Variants in CDKN2B-AS1 observed in about 807,000 individuals in gnomAD.
CDKN2B-AS1 encodes the protein CDKN2B and CDKN2A antisense cis and trans regulatory RNA 1.
rs529493258 is a variant in CDKN2B-AS1 at position 22,039,367 on chromosome 9, G to C, written n.30-7384G>C. 6.6e-6 allele frequency among the ~76,000 whole-genome samples: 1 copy of C among 151,644 alleles called. No individual in the cohort carries two copies. The highest frequency in any genetic ancestry group is 6.6e-5 in the Admixed American group (1 of 15,194). On this transcript the variant is annotated intron_variant and non_coding_transcript_variant, in intron 1 of 4. Coordinates refer to ENST00000650946, the Ensembl canonical transcript of CDKN2B-AS1. This position sits in a 1 kb window ranked among gnomAD's most constrained non-coding sequence, Gnocchi z 4.4. ...TGAAACCAGTATAATTTTTCTTTTC[G>C]CTCTTGTCCTTCACCTTCCTGTGGC... is the stretch of plus-strand genomic sequence containing the variant.
In CDKN2B-AS1 at chr9:22,090,155, A is replaced by C. The variant is rs1825023628; in HGVS notation, n.438+33768A>C. ...ATCCATGTCCCCACAAAGGACATGAACTCATCCTTTTTTATGGCTGCATAG... is the reference window on the plus strand; with the variant it reads ...ATCCATGTCCCCACAAAGGACATGACCTCATCCTTTTTTATGGCTGCATAG... On this transcript the variant is annotated intron_variant and non_coding_transcript_variant, in intron 4 of 4. Transcript: ENST00000650946. Among the ~76,000 whole-genome samples, 5 of 151,864 alleles carry C rather than the reference A, an allele frequency of 3.3e-5. No homozygotes were observed. The South Asian group carries it at 1.0e-3, about 32-fold the overall frequency.
At chr9:22,018,848 A>G (rs771057488) in intron 1 of CDKN2B-AS1, among the ~76,000 whole-genome samples, 3 of 152,242 alleles carry the variant, frequency 2.0e-5, no homozygotes, top group Non-Finnish European at 4.4e-5. Context: ...TAAATATCAT[A>G]CACTATATTC....
intron 3 of CDKN2B-AS1, among the ~76,000 whole-genome samples, chr9:22,055,466 T>C (rs1317318503): frequency 6.6e-6 from 1 of 152,182 alleles, no homozygotes. Flanking sequence ...GTTTAAGTGG[T>C]TTTTAAAATA....
intron 1 of CDKN2B-AS1, among the ~76,000 whole-genome samples, chr9:22,010,683 A>G (rs1563918770): frequency 6.6e-6 from 1 of 152,220 alleles, no homozygotes; most frequent in African/African-American, 2.4e-5. Flanking sequence ...CTGGACAGGG[A>G]AGGGAACCGG....
intron 1 of CDKN2B-AS1, chr9:22,009,270 C>CG (rs1821370315): frequency 1.9e-6 from 1 of 514,292 alleles, no homozygotes; most frequent in Non-Finnish European, 3.5e-6. Flanking sequence ...GGACGCGTCG[C>CG]GGAGTCCTCA....
rs1820821089 is a variant in CDKN2B-AS1, at chr9:21,999,253, G to A, written n.29+4092G>A. Among the ~76,000 whole-genome samples, 1 of 151,472 alleles carries A rather than the reference G, an allele frequency of 6.6e-6. No homozygotes were observed. ...TGACTCAGCTATTCCACTATTTTAA[G>A]TATGTAAAGACACACACAAATAATG... On this transcript the variant is annotated intron_variant and non_coding_transcript_variant, in intron 1 of 4. Coordinates refer to ENST00000650946, the Ensembl canonical transcript of CDKN2B-AS1. The surrounding 1 kb of genome is among the most constrained non-coding windows in gnomAD (Gnocchi z 4.7).
At chr9:22,029,441 G>C (rs1367845137) in intron 1 of CDKN2B-AS1, 2 of 779,494 alleles carry the variant, frequency 2.6e-6, no homozygotes, top group East Asian at 2.4e-5. Context: ...AGGACTATTT[G>C]CCACGACATT....
At chr9:22,020,542 A>G (rs1350503934) in intron 1 of CDKN2B-AS1, among the ~76,000 whole-genome samples, 1 of 151,552 alleles carries the variant, frequency 6.6e-6, no homozygotes, top group Non-Finnish European at 1.5e-5. Flanking sequence ...AGCATCTGTT[A>G]TTTTTTTTGA....
intron 1 of CDKN2B-AS1, among the ~76,000 whole-genome samples, chr9:22,025,979 G>A (rs565898530): frequency 1.6e-4 from 24 of 152,116 alleles, no homozygotes; most frequent in African/African-American, 5.3e-4. Flanking sequence ...CTGGGACAAA[G>A]GTCCCATGGA....
At chr9:22,029,625 C>T (rs1822384995) in intron 1 of CDKN2B-AS1, 2 of 638,294 alleles carry the variant, frequency 3.1e-6, no homozygotes, top group Non-Finnish European at 5.8e-6. Context: ...CATCATCTTT[C>T]AGGTCTGTGT....
At chr9:22,067,471 C>T (rs60537401) in intron 4 of CDKN2B-AS1, among the ~76,000 whole-genome samples, 5,795 of 152,074 alleles carry the variant, frequency 0.038, 359 homozygotes, top group African/African-American at 0.13. Flanking sequence ...CCTAACTTAG[C>T]ACCAAAATGT....
chr9:22,085,142 T>C (rs922706670), intron 4 of CDKN2B-AS1, among the ~76,000 whole-genome samples: 1 of 152,206 alleles, frequency 6.6e-6, no homozygotes, highest in African/African-American at 2.4e-5. Context: ...AGAACTTCTA[T>C]CTATAAAGAA....
intron 1 of CDKN2B-AS1, chr9:22,030,042 T>C (rs1266845972): frequency 6.6e-6 from 1 of 152,246 alleles, no homozygotes; most frequent in African/African-American, 2.4e-5. Flanking sequence ...AAGTTCTTCT[T>C]GAAGAGAAGC....
chr9:22,115,724 A>T (rs74584379), intron 4 of CDKN2B-AS1, among the ~76,000 whole-genome samples: 1 of 152,128 alleles, frequency 6.6e-6, no homozygotes, highest in Non-Finnish European at 1.5e-5. Flanking sequence ...ATCAGCTTGG[A>T]TCACATGGAC....
At chr9:22,067,119 C>T (rs543357975) in intron 4 of CDKN2B-AS1, among the ~76,000 whole-genome samples, 3 of 151,966 alleles carry the variant, frequency 2.0e-5, no homozygotes, top group Admixed American at 6.5e-5. Context: ...ATGTAAATGA[C>T]GAGTTAATGG....
intron 1 of CDKN2B-AS1, chr9:22,009,465 C>G (rs929273496): frequency 3.7e-6 from 1 of 268,154 alleles, no homozygotes; most frequent in African/African-American, 2.2e-5. Flanking sequence ...GATGCTAGGA[C>G]GCATGCGCCA....
intron 4 of CDKN2B-AS1, among the ~76,000 whole-genome samples, chr9:22,110,561 A>T (rs994078086): frequency 6.6e-6 from 1 of 152,172 alleles, no homozygotes; most frequent in African/African-American, 2.4e-5. Flanking sequence ...TATATGCTAC[A>T]CACTGTCACT....
At chr9:22,114,016 T>C (rs1175674821) in intron 4 of CDKN2B-AS1, among the ~76,000 whole-genome samples, 2 of 152,310 alleles carry the variant, frequency 1.3e-5, no homozygotes, top group African/African-American at 2.4e-5. Context: ...CGTCGAGTCC[T>C]TTTAAAAGGA....
intron 4 of CDKN2B-AS1, among the ~76,000 whole-genome samples, chr9:22,068,528 T>G (rs1824156047): frequency 6.6e-6 from 1 of 152,174 alleles, no homozygotes; most frequent in African/African-American, 2.4e-5. Context: ...GAGCGTGGTT[T>G]ACAGAAGGAA....
Sources: gnomAD v4.1 joint callset for allele counts (sites outside exome capture counted in the v4.1 genomes callset) on GRCh38, gnomAD v4.1.1 for gene constraint, Gnocchi (gnomAD v3.1) non-coding constraint, MANE v1.5 for transcripts, NCBI Gene and HGNC (gene_info 2026-07-23, HGNC 2026-07-21) for gene names.